Variants in PARP16 observed in about 807,000 individuals in gnomAD.
PARP16 encodes poly(ADP-ribose) polymerase family member 16, also known as protein mono-ADP-ribosyltransferase PARP16.
In PARP16, 31 loss-of-function variants were observed where a neutral mutation model predicts 35.0. That is an observed-to-expected ratio of 0.88 (90% CI 0.66 to 1.19). The LOEUF is 1.19. PARP16 is among the 50% of genes most tolerant of loss of function. PARP16 has a pLI of 0.00. For synonymous variants in PARP16, 162 were observed against 169.5 expected (o/e 0.96, Z 0.34); for missense variants, 424 against 411.2 (o/e 1.03, Z -0.27).
In PARP16 at chr15:65,279,432, G is replaced by A. The variant is rs545836147; in HGVS notation, c.174+6821C>T. 4.6e-5 allele frequency among the ~76,000 whole-genome samples: 7 copies of A among 152,162 alleles called. No individual in the cohort carries two copies. The South Asian group carries it at 1.5e-3, about 32-fold the overall frequency. On this transcript the variant is annotated intron_variant, in intron 1 of 5. Transcript: ENST00000649807. ...AGGAAAGAGATGGCTGGTCCTGGAGGGATGGATCCCACCCCTTCACCCTCC... is the reference window on the plus strand; with the variant it reads ...AGGAAAGAGATGGCTGGTCCTGGAGAGATGGATCCCACCCCTTCACCCTCC...
chr15:65,262,083 A>G (rs892423879), intron 4 of PARP16, among the ~76,000 whole-genome samples: 1 of 150,834 alleles, frequency 6.6e-6, no homozygotes, highest in Non-Finnish European at 1.5e-5. Context: ...AGGCCAGAAC[A>G]GTCAGTTTTC....
intron 3 of PARP16, among the ~76,000 whole-genome samples, chr15:65,240,309 TG>T (rs34983139): frequency 0.27 from 22,931 of 86,436 alleles, 2,124 homozygotes; most frequent in Admixed American, 0.39. Context: ...TGTGTGTGTG[TG>T]GTGGGGGGGG....
intron 5 of PARP16, among the ~76,000 whole-genome samples, chr15:65,259,754 G>A (rs563002186): frequency 2.6e-5 from 4 of 152,264 alleles, no homozygotes; most frequent in Admixed American, 2.0e-4. Context: ...TTCTAAATGC[G>A]CAAAGACAGC....
At chr15:65,278,740 T>C (rs761620861) in intron 1 of PARP16, among the ~76,000 whole-genome samples, 21 of 152,134 alleles carry the variant, frequency 1.4e-4, no homozygotes, top group Non-Finnish European at 2.9e-4. Flanking sequence ...GACAATGTTG[T>C]CCTAGAAAGG....
At chr15:65,263,702 A>G (rs2089808945) in intron 3 of PARP16, among the ~76,000 whole-genome samples, 1 of 152,366 alleles carries the variant, frequency 6.6e-6, no homozygotes, top group Admixed American at 6.5e-5. Flanking sequence ...TAATGTTACT[A>G]GTAGCTCCTT....
intron 4 of PARP16, 87 bp downstream of exon 4, chr15:65,263,062 G>C: frequency 7.9e-7 from 1 of 1,262,512 alleles, no homozygotes; most frequent in Non-Finnish European, 1.1e-6. Flanking sequence ...GGCATGCAAT[G>C]GGTGCTCTAC....
At chr15:65,270,125 T>A (rs507538) in intron 2 of PARP16, among the ~76,000 whole-genome samples, 152,316 of 152,366 alleles carry the variant, frequency 1, 76,133 homozygotes, top group Middle Eastern at 1. Context: ...GTAAAATTGA[T>A]TACTCTTAAA....
downstream of PARP16, among the ~76,000 whole-genome samples, chr15:65,254,594 G>C (rs139855478): frequency 1.6e-3 from 236 of 152,162 alleles, 4 homozygotes; most frequent in Admixed American, 9.6e-3. Context: ...TGTGGAGGGG[G>C]TTTAGAGAGG....
chr15:65,243,007 G>A (rs12593533), intron 3 of PARP16, among the ~76,000 whole-genome samples: 33,929 of 151,906 alleles, frequency 0.22, 4,516 homozygotes, highest in Admixed American at 0.31. Flanking sequence ...GAGCCACTGC[G>A]CCTGGTCCCT....
In PARP16 at chr15:65,286,515, A is replaced by G. The variant is rs1001556059; in HGVS notation, c.-89T>C. ...AGCGCGGGGGCTGGGCCCGCGGACA[A>G]TGGGCCGTCAGGGGCCGGGTTCCCA... On this transcript the variant is annotated 5_prime_UTR_variant, in exon 1 of 6. Transcript: ENST00000649807. 9 of 1,051,266 alleles carry G rather than the reference A, an allele frequency of 8.6e-6. No homozygotes were observed. The highest frequency in any genetic ancestry group is 5.1e-5 in the African/African-American group (3 of 58,894). The allele number at this position is 1,051,266 out of a possible 1,614,324, so 65.1% of individuals were successfully genotyped here.
At chr15:65,237,063 T>A (rs1033699609) in intron 3 of PARP16, among the ~76,000 whole-genome samples, 4 of 152,088 alleles carry the variant, frequency 2.6e-5, no homozygotes, top group African/African-American at 9.7e-5. Flanking sequence ...CATTTACAAC[T>A]TAAAGATCAC....
intron 1 of PARP16, among the ~76,000 whole-genome samples, chr15:65,280,811 A>G (rs1181770978): frequency 6.6e-6 from 1 of 152,168 alleles, no homozygotes; most frequent in East Asian, 1.9e-4. Context: ...GGGAGGAAAA[A>G]AAAGAGAAAG....
chr15:65,258,177 C>G lies in PARP16; in HGVS notation c.*1230G>C, dbSNP rs928535810. On this transcript the variant is annotated 3_prime_UTR_variant, in exon 6 of 6. Coordinates refer to ENST00000649807, the MANE Select transcript of PARP16 (RefSeq NM_001316943.2). ...AACTGTGGTAGTGGCTCTTTCACAA[C>G]TTTACAAATTATAGAAAAATGATTT... 4 of 152,204 alleles carry G rather than the reference C, an allele frequency of 2.6e-5. No homozygotes were observed. Among genetic ancestry groups the G allele is most frequent in the Admixed American group, 6.5e-5 (1 of 15,282 alleles). 9.4% of individuals were successfully genotyped at this position (152,204 alleles called of 1,614,324 possible).
intron 1 of PARP16, among the ~76,000 whole-genome samples, chr15:65,277,355 G>A (rs1029462464): frequency 6.6e-6 from 1 of 152,030 alleles, no homozygotes; most frequent in African/African-American, 2.4e-5. Context: ...GACCCTCTGG[G>A]GCCAACTCAT....
intron 3 of PARP16, among the ~76,000 whole-genome samples, chr15:65,236,907 G>A (rs1595975194): frequency 6.6e-6 from 1 of 151,424 alleles, no homozygotes; most frequent in Non-Finnish European, 1.5e-5. Context: ...TGGAGGCAGA[G>A]GTTGCAGTGA....
At chr15:65,284,518 G>A (rs1368880994) in intron 1 of PARP16, among the ~76,000 whole-genome samples, 5 of 151,500 alleles carry the variant, frequency 3.3e-5, no homozygotes, top group Non-Finnish European at 7.4e-5. Flanking sequence ...TGGTGAGACA[G>A]GGTTTTACCA....
chr15:65,253,929 T>C (rs1415108412), downstream of PARP16, among the ~76,000 whole-genome samples: 1 of 152,080 alleles, frequency 6.6e-6, no homozygotes, highest in Non-Finnish European at 1.5e-5. Flanking sequence ...CCGATTCTCC[T>C]GCCTCAGCCT....
Position 65,266,636 on chromosome 15 carries a change from A to G in PARP16, c.445T>C (p.Tyr149His), listed in dbSNP as rs2089900069. The G allele has an allele frequency of 2.5e-6, 4 of 1,614,020 alleles. No individual in the cohort carries two copies. Among genetic ancestry groups the G allele is most frequent in the Non-Finnish European group, 3.4e-6 (4 of 1,180,014 alleles). Residue 149 changes from tyrosine (Y) to histidine (H), a missense_variant, in exon 3 of 6, where the codon TAT (tyrosine) becomes CAT (histidine). Physicochemically the swap from Tyr to His is moderately conservative, Grantham distance 83. Transcript: ENST00000649807. ...TCTAGGCGGCTACCATGAAATGCAT[A>G]GATTAGGTCTCGTTCTCCTTTGGTC... ...YETKGERDLI[Y>H]AFHGSRLENF...
intron 3 of PARP16, among the ~76,000 whole-genome samples, chr15:65,243,211 A>G (rs1229652280): frequency 6.6e-6 from 1 of 152,086 alleles, no homozygotes; most frequent in Admixed American, 6.6e-5. Context: ...CTCATTCTCA[A>G]TCTTAGAGTG....
Sources: gnomAD v4.1 joint callset for allele counts (sites outside exome capture counted in the v4.1 genomes callset) on GRCh38, gnomAD v4.1.1 for gene constraint, MANE v1.5 for transcripts, NCBI Gene and HGNC (gene_info 2026-07-23, HGNC 2026-07-21) for gene names.